PKP4: variants seen among roughly 807,000 people sequenced by gnomAD.
PKP4 encodes the protein plakophilin 4, also known as plakophilin-4.
Under a neutral mutation model 145.1 loss-of-function variants are expected in PKP4, and 90 were observed. The ratio of observed to expected loss-of-function variants is 0.62; its 90% confidence interval spans 0.52 to 0.74. The LOEUF (loss-of-function observed/expected upper bound fraction) is 0.74, where lower values mean the gene tolerates loss of function less well. Among genes scored for constraint, PKP4 ranks in the 30% least tolerant of loss-of-function variants. PKP4 has a pLI of 0.00. For missense variants in PKP4, 1,340 were observed against 1,482.7 expected (o/e 0.90, Z 1.58); for synonymous variants, 563 against 577.2 (o/e 0.98, Z 0.35).
chr2:158,488,195 T>A (rs1694446894), intron 1 of PKP4, among the ~76,000 whole-genome samples: 1 of 152,182 alleles, frequency 6.6e-6, no homozygotes, highest in African/African-American at 2.4e-5. Context: ...TAAAAAAAAT[T>A]GGAGGCAAGG....
In PKP4 at chr2:158,624,754, G is replaced by A. The variant is rs1006769888; in HGVS notation, c.604-124G>A. The A allele has an allele frequency of 8.1e-5, 52 of 639,154 alleles. No individual in the cohort carries two copies. The African/African-American group carries it at 9.0e-4, about 11-fold the overall frequency. 39.6% of individuals were successfully genotyped at this position (639,154 alleles called of 1,614,324 possible). A position where few individuals can be genotyped will look rare whatever the true frequency, so the allele number is the denominator to read the frequency against. ...CTGGCTCAAAGCATAAAAAGGAAAA[G>A]AATCTTAGATGCCTAAAATAGTGGA... is the stretch of plus-strand genomic sequence containing the variant. On this transcript the variant is annotated intron_variant, in intron 6 of 21. Transcript: ENST00000389759.
intron 1 of PKP4, among the ~76,000 whole-genome samples, chr2:158,522,958 C>T (rs1412262239): frequency 1.3e-5 from 2 of 152,200 alleles, no homozygotes; most frequent in African/African-American, 2.4e-5. Flanking sequence ...GACTATATCC[C>T]ACACCTGGCT....
chr2:158,607,198 G>A (rs1384288876), intron 4 of PKP4, among the ~76,000 whole-genome samples: 2 of 152,090 alleles, frequency 1.3e-5, no homozygotes, highest in Non-Finnish European at 2.9e-5. Flanking sequence ...TTCTCATATT[G>A]CCACATTAGT....
At chr2:158,610,384 A>G (rs1347646960) in intron 4 of PKP4, among the ~76,000 whole-genome samples, 1 of 152,246 alleles carries the variant, frequency 6.6e-6, no homozygotes, top group Admixed American at 6.5e-5. Flanking sequence ...ACAATAAAAA[A>G]TAAACATCAA....
intron 1 of PKP4, among the ~76,000 whole-genome samples, chr2:158,529,070 G>A (rs985871853): frequency 1.3e-5 from 2 of 152,186 alleles, no homozygotes; most frequent in Admixed American, 6.5e-5. Context: ...TCATCATCGA[G>A]ACTCTGATTA....
intron 19 of PKP4, among the ~76,000 whole-genome samples, chr2:158,674,887 C>A (rs113881775): frequency 6.6e-6 from 1 of 152,114 alleles, no homozygotes. Flanking sequence ...ACAAATGTGG[C>A]CAAAAAGACG....
At position 158,535,444 on chromosome 2, in the gene PKP4, C is replaced by G. The variant is rs1168302984; in HGVS notation, c.132+2128C>G. 2.0e-5 allele frequency among the ~76,000 whole-genome samples: 3 copies of G among 152,156 alleles called. No homozygotes were observed. In the South Asian group the frequency reaches 6.2e-4, roughly 31 times the overall value. ...TACTTTTTAGAGCTGGGGTCTTGCT[C>G]TGTTGCCCAGGATGGAGTACAGTGT... is the stretch of plus-strand genomic sequence containing the variant. On this transcript the variant is annotated intron_variant, in intron 2 of 21. Transcript: ENST00000389759.
At chr2:158,520,319 G>C (rs983441322) in intron 1 of PKP4, among the ~76,000 whole-genome samples, 2 of 152,096 alleles carry the variant, frequency 1.3e-5, no homozygotes, top group Non-Finnish European at 2.9e-5. Context: ...AGGGCTGAGG[G>C]TATTATATTT....
chr2:158,571,081 G>A (rs2047375267), intron 2 of PKP4, among the ~76,000 whole-genome samples: 1 of 152,144 alleles, frequency 6.6e-6, no homozygotes, highest in Non-Finnish European at 1.5e-5. Flanking sequence ...GGGGGCAGGA[G>A]TTGAGTTGTC....
chr2:158,550,102 A>G (rs1272537631), intron 2 of PKP4, among the ~76,000 whole-genome samples: 1 of 115,582 alleles, frequency 8.7e-6, no homozygotes, highest in Non-Finnish European at 2.3e-5. Flanking sequence ...GGTTACATTT[A>G]TAGATCTCTC....
At chr2:158,649,120 C>G (rs1198558188) in intron 11 of PKP4, among the ~76,000 whole-genome samples, 1 of 152,134 alleles carries the variant, frequency 6.6e-6, no homozygotes, top group African/African-American at 2.4e-5. Flanking sequence ...CAAAAAATGT[C>G]TATTATGAAT....
intron 7 of PKP4, among the ~76,000 whole-genome samples, chr2:158,630,353 A>G (rs1276411754): frequency 6.6e-6 from 1 of 152,232 alleles, no homozygotes. Flanking sequence ...TTTAAGGTTC[A>G]TGTACTACTA....
At chr2:158,559,062 ACT>A (rs1213731792) in intron 2 of PKP4, among the ~76,000 whole-genome samples, 2 of 151,960 alleles carry the variant, frequency 1.3e-5, no homozygotes, top group African/African-American at 4.8e-5. Context: ...GAAACCGCAG[ACT>A]CTCATGAATG....
At chr2:158,570,340 C>T (rs1404354888) in intron 2 of PKP4, among the ~76,000 whole-genome samples, 1 of 152,118 alleles carries the variant, frequency 6.6e-6, no homozygotes, top group East Asian at 1.9e-4. Context: ...ATGATCATGA[C>T]CATAATTGAC....
intron 1 of PKP4, among the ~76,000 whole-genome samples, chr2:158,470,524 GACA>G (rs1029455489): frequency 2.6e-5 from 4 of 152,130 alleles, no homozygotes; most frequent in African/African-American, 7.2e-5. Flanking sequence ...CTACTCTGAT[GACA>G]ACAAGAACAA....
chr2:158,523,707 C>T (rs918377441), intron 1 of PKP4, among the ~76,000 whole-genome samples: 1 of 130,512 alleles, frequency 7.7e-6, no homozygotes, highest in Non-Finnish European at 1.6e-5. Flanking sequence ...ACATTCAAAC[C>T]AAAGGCAAAG....
chr2:158,466,432 C>G (rs1055680278), intron 1 of PKP4, among the ~76,000 whole-genome samples: 2 of 152,082 alleles, frequency 1.3e-5, no homozygotes, highest in African/African-American at 4.8e-5. Context: ...TGCAGTGGCT[C>G]ACACCTGTAA....
intron 11 of PKP4, among the ~76,000 whole-genome samples, chr2:158,655,153 T>C (rs1202309627): frequency 1.3e-5 from 2 of 152,194 alleles, no homozygotes; most frequent in Non-Finnish European, 2.9e-5. Context: ...CCACAGTAAA[T>C]GGTGATGCTA....
At chr2:158,600,541 A>G (rs1206813511) in intron 3 of PKP4, among the ~76,000 whole-genome samples, 1 of 152,238 alleles carries the variant, frequency 6.6e-6, no homozygotes, top group Admixed American at 6.5e-5. Flanking sequence ...TGTAATAAAC[A>G]TGGGTTTATT....
Sources: allele counts gnomAD v4.1 joint callset (sites outside exome capture counted in the v4.1 genomes callset), GRCh38; gene constraint gnomAD v4.1.1; transcripts MANE v1.5; gene names NCBI Gene and HGNC (gene_info 2026-07-23, HGNC 2026-07-21).